The following EBF3 variants were observed in gnomAD, a reference collection of about 807,000 sequenced individuals.
EBF3 encodes the protein EBF transcription factor 3.
A neutral mutation model predicts 77.1 loss-of-function variants in EBF3; 18 were observed. The ratio of observed to expected loss-of-function variants is 0.23; its 90% confidence interval spans 0.16 to 0.35. The LOEUF (loss-of-function observed/expected upper bound fraction) is 0.35. Among genes scored for constraint, EBF3 ranks in the 10% least tolerant of loss-of-function variants. The pLI is 1.00. For missense variants in EBF3, 558 were observed against 860.0 expected (o/e 0.65, Z 4.39); for synonymous variants, 350 against 343.5 (o/e 1.02, Z -0.21).
chr10:129,930,152 C>T (rs1451662565), intron 6 of EBF3, among the ~76,000 whole-genome samples: 2 of 152,176 alleles, frequency 1.3e-5, no homozygotes, highest in East Asian at 1.9e-4. Context: ...CTCAGGCCTT[C>T]GCCCTCAGAT....
rs1051853923 is a variant in EBF3 at position 129,943,036 on chromosome 10, A to G, written c.554+14222T>C. On this transcript the variant is annotated intron_variant, in intron 6 of 16. Coordinates refer to ENST00000440978, the MANE Select transcript of EBF3 (RefSeq NM_001375380.1). This position sits in a 1 kb window ranked among gnomAD's most constrained non-coding sequence, Gnocchi z 8.8. ...TTTCTCTGGATTCTAAGAGGAAGGTAGCAGATACAACCGATTCCTGTCCTC... is the reference window on the plus strand; with the variant it reads ...TTTCTCTGGATTCTAAGAGGAAGGTGGCAGATACAACCGATTCCTGTCCTC... Among the ~76,000 whole-genome samples, 6 of 152,244 alleles carry G rather than the reference A, an allele frequency of 3.9e-5. No homozygotes were observed. The highest frequency in any genetic ancestry group is 1.4e-4 in the African/African-American group (6 of 41,454).
intron 6 of EBF3, among the ~76,000 whole-genome samples, chr10:129,887,907 T>C (rs985344053): frequency 1.3e-5 from 2 of 152,118 alleles, no homozygotes; most frequent in Admixed American, 6.5e-5. Flanking sequence ...ACGCTCCTCA[T>C]AGATGCTCAG....
chr10:129,930,852 A>C (rs1249454316), intron 6 of EBF3, among the ~76,000 whole-genome samples: 1 of 149,516 alleles, frequency 6.7e-6, no homozygotes, highest in African/African-American at 2.5e-5. Context: ...GTCTATATCT[A>C]TCTCTATATT....
intron 6 of EBF3, among the ~76,000 whole-genome samples, chr10:129,933,097 G>C (rs946729070): frequency 6.6e-6 from 1 of 152,012 alleles, no homozygotes; most frequent in African/African-American, 2.4e-5. Flanking sequence ...AATCTCATTC[G>C]CTTGGAATCA....
rs190280340 is a variant in EBF3, at chr10:129,843,518, C to A, written c.1129-316G>T. ...CCAATCCGTGCCTGAGGTTTAATGACGGAGTCTTATGGGTATTAAACAAAT... is the reference window on the plus strand; with the variant it reads ...CCAATCCGTGCCTGAGGTTTAATGAAGGAGTCTTATGGGTATTAAACAAAT... On this transcript the variant is annotated intron_variant, in intron 11 of 16. Coordinates refer to ENST00000440978, the MANE Select transcript of EBF3 (RefSeq NM_001375380.1). The A allele has an allele frequency of 1.3e-3, 428 of 322,766 alleles. 3 individuals are homozygous for A. The highest frequency in any genetic ancestry group is 6.3e-4 in the Non-Finnish European group (109 of 171,934). The allele number at this position is 322,766 out of a possible 1,614,324, so 20.0% of individuals were successfully genotyped here. A position where few individuals can be genotyped will look rare whatever the true frequency, so the allele number is the denominator to read the frequency against.
Position 129,837,915 on chromosome 10 carries a change from TA to T in EBF3, c.*27del. On this transcript the variant is annotated 3_prime_UTR_variant, in exon 17 of 17. Transcript: ENST00000440978. ...CTTTGATGCTGGGTGCTGCGGAAGG[TA>T]AACAGAAGTCCCTCACATTGGCGGG... 6.2e-7 allele frequency: 1 copy of T among 1,614,162 alleles called. No individual in the cohort carries two copies. Among genetic ancestry groups the T allele is most frequent in the South Asian group, 1.1e-5 (1 of 91,078 alleles).
rs570493138 is a variant in EBF3, at chr10:129,841,293, C to T, written c.1373-261G>A. Among the ~76,000 whole-genome samples the T allele has an allele frequency of 2.0e-5, 3 of 152,280 alleles. No individual in the cohort carries two copies. The South Asian group carries it at 6.2e-4, about 32-fold the overall frequency. On this transcript the variant is annotated intron_variant, in intron 13 of 16. Coordinates refer to ENST00000440978, the MANE Select transcript of EBF3 (RefSeq NM_001375380.1). The surrounding 1 kb of genome is among the most constrained non-coding windows in gnomAD (Gnocchi z 4.6). Reference sequence around the variant, plus strand: ...TCGATCTCGCCGTCAGTGGCTTTCACGTTTCTCTTTAGAGGCAATTATCAA... The same window carrying T: ...TCGATCTCGCCGTCAGTGGCTTTCATGTTTCTCTTTAGAGGCAATTATCAA...
At chr10:129,847,477 C>T (rs898684866) in intron 11 of EBF3, among the ~76,000 whole-genome samples, 4 of 152,202 alleles carry the variant, frequency 2.6e-5, no homozygotes, top group South Asian at 2.1e-4. Flanking sequence ...ATCTGACATC[C>T]GTTGCTAGCA....
intron 6 of EBF3, among the ~76,000 whole-genome samples, chr10:129,882,503 G>A (rs759827307): frequency 3.3e-5 from 5 of 152,218 alleles, no homozygotes; most frequent in Admixed American, 6.5e-5. Context: ...AATAATCAGC[G>A]GTCCTGACAG....
chr10:129,953,047 G>A (rs1391766783), intron 6 of EBF3, among the ~76,000 whole-genome samples: 1 of 145,752 alleles, frequency 6.9e-6, no homozygotes, highest in Admixed American at 6.8e-5. Context: ...AAAAAAAAAA[G>A]AAGAAGAAGA....
At position 129,861,706 on chromosome 10, in the gene EBF3, G is replaced by A. The variant is rs983384448; in HGVS notation, c.1039+5435C>T. On this transcript the variant is annotated intron_variant, in intron 10 of 16. Coordinates refer to ENST00000440978, the MANE Select transcript of EBF3 (RefSeq NM_001375380.1). This position sits in a 1 kb window ranked among gnomAD's most constrained non-coding sequence, Gnocchi z 4.3. The stretch of plus-strand genomic sequence containing the variant: ...GCCCCTGGCCACACCACGGGATGAT[G>A]AGAGTCACTGACAGAATTGAGCCAA... Among the ~76,000 whole-genome samples the A allele has an allele frequency of 6.6e-6, 1 of 152,170 alleles. No homozygotes were observed. Among genetic ancestry groups the A allele is most frequent in the African/African-American group, 2.4e-5 (1 of 41,438 alleles).
chr10:129,920,544 T>C (rs549334597), intron 6 of EBF3, among the ~76,000 whole-genome samples: 18 of 152,326 alleles, frequency 1.2e-4, no homozygotes, highest in African/African-American at 4.1e-4. Flanking sequence ...GGCGCTAGCA[T>C]GGACACCACT....
chr10:129,841,089 G>T lies in EBF3; in HGVS notation c.1373-57C>A, dbSNP rs540898994. On this transcript the variant is annotated intron_variant, in intron 13 of 16. Coordinates refer to ENST00000440978, the MANE Select transcript of EBF3 (RefSeq NM_001375380.1). The surrounding 1 kb of genome is among the most constrained non-coding windows in gnomAD (Gnocchi z 4.6). ...CATTATTATCAGCGACAGACACTTG[G>T]GGGGGGTTCCCCGAGAATCTATATC... 3 of 1,587,582 alleles carry T rather than the reference G, an allele frequency of 1.9e-6. No homozygotes were observed. The highest frequency in any genetic ancestry group is 1.7e-6 in the Non-Finnish European group (2 of 1,168,138).
At chr10:129,924,285 C>T (rs1312586945) in intron 6 of EBF3, among the ~76,000 whole-genome samples, 1 of 152,170 alleles carries the variant, frequency 6.6e-6, no homozygotes, top group Non-Finnish European at 1.5e-5. Context: ...CGTGATGGTA[C>T]GTACCTGTAA....
intron 10 of EBF3, 82 bp downstream of exon 10, chr10:129,867,059 T>G (rs1183570918): frequency 6.6e-7 from 1 of 1,522,098 alleles, no homozygotes; most frequent in East Asian, 2.3e-5. Flanking sequence ...CTCTGTACAG[T>G]CCTCCCGTGC....
intron 6 of EBF3, among the ~76,000 whole-genome samples, chr10:129,939,710 A>C (rs16910002): frequency 0.013 from 1,990 of 152,346 alleles, 28 homozygotes; most frequent in African/African-American, 0.029. Flanking sequence ...CTTCTCAGCG[A>C]TCAATGGAGT....
At chr10:129,895,960 G>T (rs1854340810) in intron 6 of EBF3, among the ~76,000 whole-genome samples, 1 of 152,222 alleles carries the variant, frequency 6.6e-6, no homozygotes, top group African/African-American at 2.4e-5. Flanking sequence ...CTGTAATTAG[G>T]AAGAAATGCT....
At position 129,963,914 on chromosome 10, in the gene EBF3, C is replaced by A; in HGVS notation, c.-146G>T. The stretch of plus-strand genomic sequence containing the variant: ...GGCCCCGCCGCCGGCTTCAGCCCGT[C>A]CCGGGCAGGCGCGACATACACCAGC... On this transcript the variant is annotated 5_prime_UTR_variant, in exon 1 of 17. Coordinates refer to ENST00000440978, the MANE Select transcript of EBF3 (RefSeq NM_001375380.1). The surrounding 1 kb of genome is among the most constrained non-coding windows in gnomAD (Gnocchi z 7.1). 1 of 1,115,680 alleles carries A rather than the reference C, an allele frequency of 9.0e-7. No homozygotes were observed. The allele number at this position is 1,115,680 out of a possible 1,614,324, so 69.1% of individuals were successfully genotyped here.
intron 6 of EBF3, among the ~76,000 whole-genome samples, chr10:129,950,139 C>G (rs1379197611): frequency 2.0e-5 from 3 of 152,092 alleles, no homozygotes; most frequent in African/African-American, 4.8e-5. Flanking sequence ...AGCAGAGACA[C>G]GCTGGAGCCG....
Sources: gnomAD v4.1 joint callset for allele counts (sites outside exome capture counted in the v4.1 genomes callset) on GRCh38, gnomAD v4.1.1 for gene constraint, Gnocchi (gnomAD v3.1) non-coding constraint, MANE v1.5 for transcripts, NCBI Gene and HGNC (gene_info 2026-07-23, HGNC 2026-07-21) for gene names.